The following CPAP variants were observed in gnomAD, a reference collection of about 807,000 sequenced individuals.
The protein encoded by CPAP is centrosomal P4.1-associated protein.
the CPAP span, chr13:24,912,701 C>T: frequency 6.2e-7 from 1 of 1,614,176 alleles, no homozygotes; most frequent in Non-Finnish European, 8.5e-7. Flanking sequence ...TGACATGCCG[C>T]TACCTGTGGT....
chr13:24,908,214 C>A, the CPAP span: 1 of 899,470 alleles, frequency 1.1e-6, no homozygotes, highest in Non-Finnish European at 1.8e-6. Flanking sequence ...TATGCTAAAA[C>A]ATTTTTTTAA....
chr13:24,884,306 C>T, the CPAP span: 1 of 1,614,008 alleles, frequency 6.2e-7, no homozygotes, highest in Non-Finnish European at 8.5e-7. Context: ...TGGAGGAGAA[C>T]ACCTCTGGAA....
At chr13:24,904,720 C>T in the CPAP span, among the ~76,000 whole-genome samples, 1 of 152,018 alleles carries the variant, frequency 6.6e-6, no homozygotes, top group African/African-American at 2.4e-5. Flanking sequence ...AAACTTTGTA[C>T]AAAAAAATTA....
At chr13:24,920,974 A>C in the CPAP span, among the ~76,000 whole-genome samples, 1 of 152,226 alleles carries the variant, frequency 6.6e-6, no homozygotes, top group Non-Finnish European at 1.5e-5. Context: ...ATAAACCCAT[A>C]GTTATAAATG....
chr13:24,909,862 A>G, the CPAP span: 1 of 1,614,084 alleles, frequency 6.2e-7, no homozygotes, highest in Non-Finnish European at 8.5e-7. Context: ...TGTGCCTCAG[A>G]AAATAAATTA....
At chr13:24,887,975 C>T in the CPAP span, among the ~76,000 whole-genome samples, 1 of 152,210 alleles carries the variant, frequency 6.6e-6, no homozygotes, top group Non-Finnish European at 1.5e-5. Context: ...GCCACGGGCT[C>T]CACAGAGGGC....
the CPAP span, among the ~76,000 whole-genome samples, chr13:24,931,302 G>GTTTTTTTTTTTT: frequency 6.6e-4 from 6 of 9,068 alleles, 1 homozygote; most frequent in African/African-American, 2.2e-3. Flanking sequence ...ATTTTTTCAT[G>GTTTTTTTTTTTT]TTTCTTTTTT....
the CPAP span, chr13:24,906,036 T>C: frequency 6.2e-7 from 1 of 1,614,170 alleles, no homozygotes; most frequent in Admixed American, 1.7e-5. Context: ...GGCTGTTCCC[T>C]CAATTCATCA....
At chr13:24,929,371 T>C in the CPAP span, among the ~76,000 whole-genome samples, 1 of 152,252 alleles carries the variant, frequency 6.6e-6, no homozygotes, top group African/African-American at 2.4e-5. Context: ...ATCTCCATCA[T>C]TTCTACAGGA....
the CPAP span, chr13:24,884,069 C>G: frequency 1.2e-6 from 2 of 1,610,662 alleles, no homozygotes; most frequent in South Asian, 1.1e-5. Flanking sequence ...TTTCTTCCAT[C>G]TGGGTAATGT....
chr13:24,930,923 C>T, the CPAP span, among the ~76,000 whole-genome samples: 1 of 152,168 alleles, frequency 6.6e-6, no homozygotes, highest in Non-Finnish European at 1.5e-5. Context: ...AATTTACATC[C>T]CCACCAACAG....
the CPAP span, chr13:24,932,920 T>A: frequency 2.3e-6 from 2 of 863,740 alleles, no homozygotes; most frequent in Non-Finnish European, 3.7e-6. Context: ...ATGCCTAATT[T>A]TTCCAGTTTG....
the CPAP span, among the ~76,000 whole-genome samples, chr13:24,902,867 C>T: frequency 6.6e-5 from 10 of 152,296 alleles, no homozygotes; most frequent in East Asian, 1.5e-3. Flanking sequence ...CATCCCGCAG[C>T]AGGCAGCCAT....
the CPAP span, among the ~76,000 whole-genome samples, chr13:24,925,244 T>C: frequency 3.3e-5 from 5 of 152,226 alleles, no homozygotes; most frequent in South Asian, 2.1e-4. Flanking sequence ...CTGAAAGTGC[T>C]GGAATTACAG....
the CPAP span, among the ~76,000 whole-genome samples, chr13:24,910,817 A>T: frequency 6.6e-6 from 1 of 152,198 alleles, no homozygotes; most frequent in Admixed American, 6.5e-5. Context: ...AGAAACCCTA[A>T]GCCATTCAAC....
the CPAP span, among the ~76,000 whole-genome samples, chr13:24,920,981 A>G: frequency 1.3e-5 from 2 of 152,186 alleles, no homozygotes; most frequent in Non-Finnish European, 2.9e-5. Context: ...CATAGTTATA[A>G]ATGGCATATT....
At chr13:24,892,835 T>C in the CPAP span, 1 of 1,613,044 alleles carries the variant, frequency 6.2e-7, no homozygotes, top group East Asian at 2.2e-5. Context: ...TTTTCAAATC[T>C]TCCCGTAAAT....
the CPAP span, among the ~76,000 whole-genome samples, chr13:24,894,172 A>G: frequency 6.6e-6 from 1 of 152,302 alleles, no homozygotes; most frequent in South Asian, 2.1e-4. Context: ...CCAGTCACAT[A>G]GGGACTGAGG....
At chr13:24,910,015 C>T in the CPAP span, 1 of 1,614,028 alleles carries the variant, frequency 6.2e-7, no homozygotes, top group Non-Finnish European at 8.5e-7. Flanking sequence ...CAGCATGTGG[C>T]TCTCTCTCCA....
Sources: allele counts gnomAD v4.1 joint callset (sites outside exome capture counted in the v4.1 genomes callset), GRCh38; gene constraint gnomAD v4.1.1; transcripts MANE v1.5; gene names NCBI Gene and HGNC (gene_info 2026-07-23, HGNC 2026-07-21).